SLC24A2: variants seen among roughly 807,000 people sequenced by gnomAD.
SLC24A2 encodes the protein solute carrier family 24 member 2, also known as sodium/potassium/calcium exchanger 2.
Under a neutral mutation model 62.0 loss-of-function variants are expected in SLC24A2, and 36 were observed. That is an observed-to-expected ratio of 0.58 (90% confidence interval 0.44 to 0.77). The LOEUF is 0.77. Among genes scored for constraint, SLC24A2 ranks in the 30% least tolerant of loss-of-function variants. The pLI is 0.00. For synonymous variants in SLC24A2, 358 were observed against 294.0 expected (o/e 1.22, Z -2.23); for missense variants, 846 against 817.9 (o/e 1.03, Z -0.42).
In SLC24A2 at chr9:19,510,801, G is replaced by T. The variant is rs113904625; in HGVS notation, c.*5352C>A. ...CTACACAGTCCCTCACTGTTCGTAC[G>T]CTAATTTGAAAACAGTTGCCTAGCC... is the stretch of plus-strand genomic sequence containing the variant. On this transcript the variant is annotated 3_prime_UTR_variant, in exon 11 of 11. Coordinates refer to ENST00000341998, the MANE Select transcript of SLC24A2 (RefSeq NM_020344.4). 3 of 152,192 alleles carry T rather than the reference G, an allele frequency of 2.0e-5. No individual in the cohort carries two copies. In the South Asian group the frequency reaches 6.2e-4, roughly 31 times the overall value. 9.4% of individuals were successfully genotyped at this position (152,192 alleles called of 1,614,324 possible).
chr9:19,904,479 A>G, the SLC24A2 span, among the ~76,000 whole-genome samples: 1 of 152,230 alleles, frequency 6.6e-6, no homozygotes, highest in Non-Finnish European at 1.5e-5. Flanking sequence ...ACTAGATTGG[A>G]CAAAAACTGG....
intron 2 of SLC24A2, among the ~76,000 whole-genome samples, chr9:19,679,250 T>C (rs1819646530): frequency 1.3e-5 from 2 of 152,178 alleles, no homozygotes; most frequent in Admixed American, 1.3e-4. Flanking sequence ...TCAATATTGG[T>C]TATCTCTAAG....
chr9:19,966,593 G>T, the SLC24A2 span, among the ~76,000 whole-genome samples: 2 of 152,056 alleles, frequency 1.3e-5, no homozygotes, highest in Non-Finnish European at 2.9e-5. Flanking sequence ...AGGGCAGTTG[G>T]GCTTAATCTG....
chr9:19,619,546 CCCCCAAACAAGT>C (rs1216447688), intron 4 of SLC24A2, 26 bp downstream of exon 4: 3 of 1,484,416 alleles, frequency 2.0e-6, no homozygotes, highest in Non-Finnish European at 2.8e-6. Flanking sequence ...CATCCTTTTC[CCCCCAAACAAGT>C]TCCCAAACCA....
the SLC24A2 span, among the ~76,000 whole-genome samples, chr9:20,233,871 T>G: frequency 6.6e-6 from 1 of 152,204 alleles, no homozygotes; most frequent in African/African-American, 2.4e-5. Context: ...GTACTGGTTG[T>G]CCCTTTCCAT....
At chr9:20,096,094 T>G in the SLC24A2 span, among the ~76,000 whole-genome samples, 1 of 125,840 alleles carries the variant, frequency 7.9e-6, no homozygotes, top group Non-Finnish European at 1.8e-5. Context: ...CATCCGTCCG[T>G]CCGTCCGTCC....
chr9:19,990,168 A>G, the SLC24A2 span, among the ~76,000 whole-genome samples: 2 of 152,188 alleles, frequency 1.3e-5, no homozygotes, highest in Non-Finnish European at 2.9e-5. Context: ...AATTTGTAAC[A>G]TAATTATGCC....
At chr9:19,794,323 G>A in the SLC24A2 span, among the ~76,000 whole-genome samples, 1 of 152,148 alleles carries the variant, frequency 6.6e-6, no homozygotes, top group East Asian at 1.9e-4. Context: ...ACAGGTTATA[G>A]TTATTATCCT....
the SLC24A2 span, among the ~76,000 whole-genome samples, chr9:19,971,691 T>C: frequency 6.6e-6 from 1 of 151,774 alleles, no homozygotes; most frequent in Non-Finnish European, 1.5e-5. Flanking sequence ...AGAATGACAC[T>C]TCTGCTGTGT....
chr9:20,218,875 G>T, the SLC24A2 span, among the ~76,000 whole-genome samples: 5 of 152,104 alleles, frequency 3.3e-5, no homozygotes, highest in African/African-American at 7.2e-5. Context: ...TGCAATCCAG[G>T]TGTCTGCGAG....
chr9:19,641,893 C>G (rs935841018), intron 2 of SLC24A2, among the ~76,000 whole-genome samples: 2 of 152,156 alleles, frequency 1.3e-5, no homozygotes, highest in African/African-American at 4.8e-5. Context: ...CTCCTTTTCT[C>G]CCACATCCAA....
chr9:20,136,170 G>C, the SLC24A2 span, among the ~76,000 whole-genome samples: 1 of 152,172 alleles, frequency 6.6e-6, no homozygotes, highest in Non-Finnish European at 1.5e-5. Flanking sequence ...GTGCTTCCTG[G>C]AGAACATAGT....
the SLC24A2 span, among the ~76,000 whole-genome samples, chr9:20,180,739 C>T: frequency 6.6e-6 from 1 of 152,184 alleles, no homozygotes. Flanking sequence ...GGGAAACACA[C>T]AAACCTCCAA....
chr9:20,217,555 T>TA, the SLC24A2 span, among the ~76,000 whole-genome samples: 1 of 152,114 alleles, frequency 6.6e-6, no homozygotes, highest in Non-Finnish European at 1.5e-5. Context: ...TTAGTCTTCC[T>TA]AAAAAAAGCT....
At chr9:20,030,413 A>G in the SLC24A2 span, among the ~76,000 whole-genome samples, 1 of 152,194 alleles carries the variant, frequency 6.6e-6, no homozygotes, top group Non-Finnish European at 1.5e-5. Context: ...CTCCTCCTGT[A>G]CAACCATGCA....
chr9:20,110,361 T>A, the SLC24A2 span, among the ~76,000 whole-genome samples: 1 of 152,186 alleles, frequency 6.6e-6, no homozygotes, highest in East Asian at 1.9e-4. Context: ...AATCTGTTGA[T>A]ATGTGATATC....
At chr9:19,659,151 G>A (rs1819022442) in intron 2 of SLC24A2, among the ~76,000 whole-genome samples, 1 of 152,148 alleles carries the variant, frequency 6.6e-6, no homozygotes, top group Non-Finnish European at 1.5e-5. Context: ...AGATGGTGGT[G>A]GAAGACAGAG....
chr9:20,232,447 T>C, the SLC24A2 span, among the ~76,000 whole-genome samples: 4 of 152,230 alleles, frequency 2.6e-5, no homozygotes, highest in African/African-American at 9.6e-5. Flanking sequence ...TTCAACTTCT[T>C]CCTGGTTTAG....
At chr9:20,118,166 T>C in the SLC24A2 span, among the ~76,000 whole-genome samples, 12 of 152,050 alleles carry the variant, frequency 7.9e-5, no homozygotes, top group Non-Finnish European at 1.6e-4. Flanking sequence ...TACCCCTGTG[T>C]AGAGCTGGTG....
Sources: allele counts gnomAD v4.1 joint callset (sites outside exome capture counted in the v4.1 genomes callset), GRCh38; gene constraint gnomAD v4.1.1; transcripts MANE v1.5; gene names NCBI Gene and HGNC (gene_info 2026-07-23, HGNC 2026-07-21).